MAN2A1: variants seen among roughly 807,000 people sequenced by gnomAD.
MAN2A1 encodes alpha-mannosidase 2.
MAN2A1 carries 76 observed loss-of-function variants against 142.6 expected under a neutral mutation model. The ratio of observed to expected loss-of-function variants is 0.53; its 90% CI spans 0.44 to 0.65. MAN2A1 has a LOEUF of 0.65. MAN2A1 is among the 30% of genes least tolerant of loss of function. The pLI is 0.00. For synonymous variants in MAN2A1, 559 were observed against 473.2 expected (o/e 1.18, Z -2.35); for missense variants, 1,311 against 1,365.1 (o/e 0.96, Z 0.62).
Position 109,789,455 on chromosome 5 carries a change from T to C in MAN2A1, c.1876-5T>C. On this transcript the variant is annotated splice_polypyrimidine_tract_variant and splice_region_variant and intron_variant, in intron 11 of 21. Coordinates refer to ENST00000261483, the MANE Select transcript of MAN2A1 (RefSeq NM_002372.4). ...AAATTAAAAAATTACTGTTCATTTT[T>C]ATAGGATTTGAAACAAAAATCACAA... 1 of 1,551,610 alleles carries C rather than the reference T, an allele frequency of 6.4e-7. No homozygotes were observed. Among genetic ancestry groups the C allele is most frequent in the South Asian group, 1.2e-5 (1 of 85,884 alleles).
At chr5:109,788,348 A>G (rs971663445) in intron 10 of MAN2A1, among the ~76,000 whole-genome samples, 3 of 147,166 alleles carry the variant, frequency 2.0e-5, no homozygotes, top group Admixed American at 1.4e-4. Context: ...TACAATTTGA[A>G]TATAGTTAGT....
Position 109,845,919 on chromosome 5 carries a change from A to T in MAN2A1, c.2755A>T (p.Met919Leu). ...GCCTCTTCAAGCAAATGTCTATCCC[A>T]TGACCACAATGGCCTATATCCAGGA... ...KLPLQANVYP[M>L]TTMAYIQDAK... is the part of the protein sequence containing the mutation. Residue 919 changes from methionine to leucine, a missense_variant, in exon 18 of 22, where the codon ATG becomes TTG. Physicochemically the swap from Met to Leu is conservative, Grantham distance 15 (BLOSUM62 2). Around this residue, in one of 3 missense-constraint regions of MAN2A1, gnomAD observed 890 missense variants for 920.5 expected, o/e 0.97. Transcript: ENST00000261483. 2 of 1,613,786 alleles carry T rather than the reference A, an allele frequency of 1.2e-6. No individual in the cohort carries two copies. Among genetic ancestry groups the T allele is most frequent in the South Asian group, 1.1e-5 (1 of 91,064 alleles).
At chr5:109,772,662 A>G (rs1032372109) in intron 7 of MAN2A1, among the ~76,000 whole-genome samples, 7 of 152,020 alleles carry the variant, frequency 4.6e-5, no homozygotes, top group Non-Finnish European at 5.9e-5. Context: ...ACATGCCACA[A>G]TGCTCGACTA....
Position 109,867,138 on chromosome 5 carries a change from T to A in MAN2A1, c.*140T>A. ...GTGATTCTGTGGGTTTTTTCTTTTTTCTTTTACCAGTACAGTAAGAAAAAA... is the reference window on the plus strand; with the variant it reads ...GTGATTCTGTGGGTTTTTTCTTTTTACTTTTACCAGTACAGTAAGAAAAAA... On this transcript the variant is annotated 3_prime_UTR_variant, in exon 22 of 22. Coordinates refer to ENST00000261483, the MANE Select transcript of MAN2A1 (RefSeq NM_002372.4). 8.7e-6 allele frequency: 4 copies of A among 458,962 alleles called. No homozygotes were observed. Among genetic ancestry groups the A allele is most frequent in the Non-Finnish European group, 1.5e-5 (4 of 261,248 alleles). The allele number at this position is 458,962 out of a possible 1,614,324, so 28.4% of individuals were successfully genotyped here.
At chr5:109,706,357 A>G (rs985038668) in intron 1 of MAN2A1, among the ~76,000 whole-genome samples, 3 of 152,208 alleles carry the variant, frequency 2.0e-5, no homozygotes, top group African/African-American at 7.2e-5. Context: ...CAAAAGCCAT[A>G]CTTTTACTAT....
At position 109,867,071 on chromosome 5, in the gene MAN2A1, C is replaced by T; in HGVS notation, c.*73C>T. On this transcript the variant is annotated 3_prime_UTR_variant, in exon 22 of 22. Transcript: ENST00000261483. ...CTTGGTTTGACGTGCAATAAAGAAG[C>T]ACATTATTTTAGCTTCTGGCTACTG... The T allele has an allele frequency of 3.2e-6, 4 of 1,261,282 alleles. No individual in the cohort carries two copies. The highest frequency in any genetic ancestry group is 4.3e-6 in the Non-Finnish European group (4 of 924,282). The allele number at this position is 1,261,282 out of a possible 1,614,324, so 78.1% of individuals were successfully genotyped here.
At position 109,783,262 on chromosome 5, in the gene MAN2A1, T is replaced by C. The variant is rs555822901; in HGVS notation, c.1578-1482T>C. On this transcript the variant is annotated intron_variant, in intron 9 of 21. Coordinates refer to ENST00000261483, the MANE Select transcript of MAN2A1 (RefSeq NM_002372.4). ...AAAAACCATACAATAGTTATGACTT[T>C]CCAAATGTATTTATTTATACATAAG... Among the ~76,000 whole-genome samples the C allele has an allele frequency of 1.4e-4, 21 of 152,310 alleles. No homozygotes were observed. The East Asian group carries it at 4.0e-3, about 29-fold the overall frequency.
In MAN2A1 at chr5:109,855,147, A is replaced by G; in HGVS notation, c.2984A>G (p.Glu995Gly). The change falls in exon 20 of 22, where the codon GAA (glutamate) becomes GGA (glycine). Residue 995 changes from glutamate (E) to glycine (G), a missense_variant. Transcript: ENST00000261483. Reference sequence around the variant, plus strand: ...TTTGTTTTTTCTTGATAGGAAGAAGAAAAGAAGTCGGTCAGTTATCCTTCT... The same window carrying G: ...TTTGTTTTTTCTTGATAGGAAGAAGGAAAGAAGTCGGTCAGTTATCCTTCT... ...EKRSAVNTEE[E>G]KKSVSYPSLL... 2 of 1,539,954 alleles carry G rather than the reference A, an allele frequency of 1.3e-6. No homozygotes were observed. Among genetic ancestry groups the G allele is most frequent in the African/African-American group, 1.4e-5 (1 of 71,912 alleles).
chr5:109,832,117 A>C (rs948874827), intron 16 of MAN2A1, among the ~76,000 whole-genome samples: 3 of 150,472 alleles, frequency 2.0e-5, no homozygotes, highest in South Asian at 2.1e-4. Flanking sequence ...AGTGCAAAGG[A>C]AAGTTGTTCA....
chr5:109,840,889 C>A (rs1052202580), intron 16 of MAN2A1, among the ~76,000 whole-genome samples: 1 of 152,170 alleles, frequency 6.6e-6, no homozygotes, highest in African/African-American at 2.4e-5. Flanking sequence ...TACACTCTTT[C>A]CCACAAACCT....
chr5:109,690,784 C>CCATCATCG (rs1750646859), intron 1 of MAN2A1, among the ~76,000 whole-genome samples: 5 of 152,082 alleles, frequency 3.3e-5, no homozygotes, highest in African/African-American at 1.2e-4. Context: ...CGGCATCATC[C>CCATCATCG]CGCTCAGGAA....
chr5:109,853,428 A>G (rs1380028060), intron 19 of MAN2A1, among the ~76,000 whole-genome samples: 1 of 152,162 alleles, frequency 6.6e-6, no homozygotes, highest in African/African-American at 2.4e-5. Context: ...GGAAACACCA[A>G]CGGTTAGGAA....
chr5:109,781,616 T>C lies in MAN2A1; in HGVS notation c.1577+18T>C. Reference sequence around the variant, plus strand: ...CATTTAAGGTACTTTTACCTTTCTATAGCTACATGTATTTTTTCACTTTAT... The same window carrying C: ...CATTTAAGGTACTTTTACCTTTCTACAGCTACATGTATTTTTTCACTTTAT... On this transcript the variant is annotated intron_variant, in intron 9 of 21. Coordinates refer to ENST00000261483, the MANE Select transcript of MAN2A1 (RefSeq NM_002372.4). 6.7e-7 allele frequency: 1 copy of C among 1,495,812 alleles called. No individual in the cohort carries two copies. Among genetic ancestry groups the C allele is most frequent in the Middle Eastern group, 1.8e-4 (1 of 5,682 alleles). The allele number at this position is 1,495,812 out of a possible 1,614,324, so 92.7% of individuals were successfully genotyped here. A position where few individuals can be genotyped will look rare whatever the true frequency, so the allele number is the denominator to read the frequency against.
At chr5:109,817,582 T>G in intron 13 of MAN2A1, 144 bp downstream of exon 13, 1 of 724,974 alleles carries the variant, frequency 1.4e-6, no homozygotes, top group South Asian at 2.0e-5. Flanking sequence ...AGAGTTTAAC[T>G]GGTGGGTCAA....
At chr5:109,705,251 A>G (rs913360575) in intron 1 of MAN2A1, among the ~76,000 whole-genome samples, 3 of 152,066 alleles carry the variant, frequency 2.0e-5, no homozygotes, top group South Asian at 4.1e-4. Context: ...CTTTTACTCC[A>G]TATGCCCTAC....
At chr5:109,738,036 C>A (rs1752155761) in intron 4 of MAN2A1, among the ~76,000 whole-genome samples, 1 of 152,090 alleles carries the variant, frequency 6.6e-6, no homozygotes, top group Non-Finnish European at 1.5e-5. Flanking sequence ...CTTTGTTCAG[C>A]TGCGTGAAGT....
At chr5:109,729,874 T>G (rs1751854283) in intron 4 of MAN2A1, among the ~76,000 whole-genome samples, 1 of 151,992 alleles carries the variant, frequency 6.6e-6, no homozygotes, top group Non-Finnish European at 1.5e-5. Flanking sequence ...CGCCTGTAAT[T>G]CCAACTACTC....
At chr5:109,748,491 T>C (rs1752463564) in intron 4 of MAN2A1, among the ~76,000 whole-genome samples, 1 of 151,796 alleles carries the variant, frequency 6.6e-6, no homozygotes, top group Non-Finnish European at 1.5e-5. Flanking sequence ...AAAACTGATG[T>C]GATTCCTGCG....
intron 12 of MAN2A1, among the ~76,000 whole-genome samples, chr5:109,813,379 T>C (rs143934431): frequency 0.013 from 1,931 of 152,282 alleles, 22 homozygotes; most frequent in Middle Eastern, 0.041. Context: ...GTGAGTGAAG[T>C]AGTTAAGAAG....
Sources: gnomAD v4.1 joint callset for allele counts (sites outside exome capture counted in the v4.1 genomes callset) on GRCh38, gnomAD v4.1.1 for gene constraint, gnomAD v4.1.1 regional missense constraint, MANE v1.5 for transcripts, NCBI Gene and HGNC (gene_info 2026-07-23, HGNC 2026-07-21) for gene names.